The following CTCFL variants were observed in gnomAD, a reference collection of about 807,000 sequenced individuals.
CTCFL encodes the protein CCCTC-binding factor like.
In CTCFL, 36 loss-of-function variants were observed where a neutral mutation model predicts 67.4. The ratio of observed to expected loss-of-function variants is 0.53; its 90% CI spans 0.41 to 0.71. The LOEUF is 0.71. CTCFL is among the 30% of genes least tolerant of loss of function. The probability of loss-of-function intolerance (pLI) is 0.00; values close to 1 mark genes in which losing one functional copy is unlikely to be tolerated. For synonymous variants in CTCFL, 324 were observed against 302.3 expected, an observed-to-expected ratio of 1.07 and a Z score of -0.75; for missense variants, 786 against 835.2, an observed-to-expected ratio of 0.94 and a Z score of 0.73.
chr20:57,518,928 CTT>C (rs1340334328), intron 4 of CTCFL, 37 bp from the exon 5 acceptor site: 1 of 1,576,008 alleles, frequency 6.3e-7, no homozygotes, highest in Non-Finnish European at 8.6e-7. Flanking sequence ...CAAAACAAGA[CTT>C]AACCAGAAAC....
intron 10 of CTCFL, chr20:57,500,110 A>C: frequency 1.5e-6 from 1 of 680,826 alleles, no homozygotes; most frequent in Non-Finnish European, 1.7e-6. Context: ...TTTTTGGTGG[A>C]TGGAGGGAGA....
rs139191085 is a variant in CTCFL at position 57,510,035 on chromosome 20, T to A, written c.1492-1247A>T. The stretch of plus-strand genomic sequence containing the variant: ...TAGTTCATTTGAATAAGTATGAGCC[T>A]GAGGCCTCAGAATATTCTTTGTTCA... On this transcript the variant is annotated intron_variant, in intron 8 of 10. Transcript: ENST00000243914. Among the ~76,000 whole-genome samples the A allele has an allele frequency of 5.7e-4, 87 of 152,380 alleles. No homozygotes were observed. In the East Asian group the frequency reaches 0.016, roughly 28 times the overall value.
At chr20:57,523,632 G>A (rs1206596856) in intron 2 of CTCFL, 31 bp downstream of exon 2, 1 of 1,582,378 alleles carries the variant, frequency 6.3e-7, no homozygotes. Context: ...TCTTTTTCAT[G>A]TAAGGGGTTG....
chr20:57,515,137 T>C (rs772798290), intron 6 of CTCFL: 13 of 178,992 alleles, frequency 7.3e-5, no homozygotes, highest in Non-Finnish European at 1.4e-4. Context: ...CTTTTATTTA[T>C]TTTTATTTAC....
Position 57,518,833 on chromosome 20 carries a change from G to T in CTCFL, c.984C>A (p.Leu328=), listed in dbSNP as rs542500600. Residue 328 remains leucine, a synonymous_variant, in exon 5 of 11, where the codon CTC becomes CTA. Transcript: ENST00000243914. ...TATGTTTATAGCGCCTGTGTCGGAC[G>T]AGTTCTCCACTGGTGACAAATGCCA... ...CNMAFVTSGE[L]VRHRRYKHTH... 59 of 1,614,130 alleles carry T rather than the reference G, an allele frequency of 3.7e-5. No individual in the cohort carries two copies. Among genetic ancestry groups the T allele is most frequent in the Non-Finnish European group, 5.0e-5 (59 of 1,180,032 alleles).
chr20:57,519,905 A>C (rs1229342361), intron 3 of CTCFL, among the ~76,000 whole-genome samples: 2 of 152,194 alleles, frequency 1.3e-5, no homozygotes, highest in African/African-American at 2.4e-5. Flanking sequence ...GACTTAAACT[A>C]ATTAAAATTA....
chr20:57,515,841 A>G lies in CTCFL; in HGVS notation c.1060-7T>C, dbSNP rs762122569. The G allele has an allele frequency of 1.2e-6, 2 of 1,606,306 alleles. No individual in the cohort carries two copies. The highest frequency in any genetic ancestry group is 2.2e-5 in the South Asian group (2 of 89,538). On this transcript the variant is annotated splice_region_variant and splice_polypyrimidine_tract_variant and intron_variant, in intron 5 of 10. Transcript: ENST00000243914. ...GGCGCTTCAATTTACTTGCCTAATA[A>G]ATACATAAATGATGTTCGTTGCAAT...
At position 57,497,751 on chromosome 20, in the gene CTCFL, T is replaced by G; in HGVS notation, c.*799A>C. The G allele has an allele frequency of 1.0e-6, 1 of 983,984 alleles. No individual in the cohort carries two copies. Among genetic ancestry groups the G allele is most frequent in the Non-Finnish European group, 1.2e-6 (1 of 829,464 alleles). 61.0% of individuals were successfully genotyped at this position (983,984 alleles called of 1,614,324 possible). A position where few individuals can be genotyped will look rare whatever the true frequency, so the allele number is the denominator to read the frequency against. On this transcript the variant is annotated 3_prime_UTR_variant, in exon 11 of 11. Transcript: ENST00000243914. ...TTTACAAATATAAAAAGAGTAGTTT[T>G]AGCAGAAAAAAGGGTTATGGAGTGA... is the stretch of plus-strand genomic sequence containing the variant.
rs1266355148 is a variant in CTCFL at position 57,523,674 on chromosome 20, C to T, written c.532G>A (p.Gly178Arg). 6.2e-7 allele frequency: 1 copy of T among 1,613,232 alleles called. No individual in the cohort carries two copies. The highest frequency in any genetic ancestry group is 8.5e-7 in the Non-Finnish European group (1 of 1,179,834). The change falls in exon 2 of 11, where the codon GGA becomes AGA. Residue 178 changes from glycine to arginine, a missense_variant. This residue lies in a region of CTCFL where 333 missense variants were observed against 304.6 expected (regional missense o/e 1.09). Coordinates refer to ENST00000243914, the MANE Select transcript of CTCFL (RefSeq NM_001386993.1). Reference protein sequence around the residue: ...KLAVSLAETTGLIKLEEEQEK... With the variant: ...KLAVSLAETTRLIKLEEEQEK... ...AAAACCAGCTGTACCTTGATCAGTCCAGTAGTTTCAGCCAGGCTCACCGCT... is the reference window on the plus strand; with the variant it reads ...AAAACCAGCTGTACCTTGATCAGTCTAGTAGTTTCAGCCAGGCTCACCGCT...
Position 57,497,767 on chromosome 20 carries a change from T to A in CTCFL, c.*783A>T. ...GAGTAGTTTTAGCAGAAAAAAGGGT[T>A]ATGGAGTGAAATACTAATAAGCAAT... On this transcript the variant is annotated 3_prime_UTR_variant, in exon 11 of 11. Transcript: ENST00000243914. 1 of 984,806 alleles carries A rather than the reference T, an allele frequency of 1.0e-6. No individual in the cohort carries two copies. The highest frequency in any genetic ancestry group is 1.2e-6 in the Non-Finnish European group (1 of 829,358). 61.0% of individuals were successfully genotyped at this position (984,806 alleles called of 1,614,324 possible).
downstream of CTCFL, chr20:57,496,443 A>G (rs2146263949): frequency 2.2e-6 from 1 of 464,934 alleles, no homozygotes; most frequent in South Asian, 4.2e-5. Flanking sequence ...AGAAAGGACT[A>G]ACACAACATA....
intron 4 of CTCFL, 98 bp downstream of exon 4, chr20:57,519,109 T>C (rs1371119122): frequency 7.5e-7 from 1 of 1,334,086 alleles, no homozygotes; most frequent in African/African-American, 1.5e-5. Context: ...AAGTATAAAA[T>C]GTTACACGAT....
chr20:57,505,316 C>A (rs918358776), intron 9 of CTCFL, among the ~76,000 whole-genome samples: 1 of 151,578 alleles, frequency 6.6e-6, no homozygotes, highest in Non-Finnish European at 1.5e-5. Flanking sequence ...AGTGCAGTGG[C>A]ACGATCTCTG....
chr20:57,498,468 G>A lies in CTCFL; in HGVS notation c.*82C>T. On this transcript the variant is annotated 3_prime_UTR_variant, in exon 11 of 11. Coordinates refer to ENST00000243914, the MANE Select transcript of CTCFL (RefSeq NM_001386993.1). Reference sequence around the variant, plus strand: ...CTCTCTCACTTATCCATCGTGTTGAGGAGCATTTCACACCTTAAATGCTAA... The same window carrying A: ...CTCTCTCACTTATCCATCGTGTTGAAGAGCATTTCACACCTTAAATGCTAA... 6.5e-7 allele frequency: 1 copy of A among 1,532,718 alleles called. No individual in the cohort carries two copies. Among genetic ancestry groups the A allele is most frequent in the South Asian group, 1.3e-5 (1 of 76,714 alleles). 94.9% of individuals were successfully genotyped at this position (1,532,718 alleles called of 1,614,324 possible).
chr20:57,522,983 A>C, intron 3 of CTCFL, 85 bp downstream of exon 3: 1 of 1,094,644 alleles, frequency 9.1e-7, no homozygotes, highest in South Asian at 1.5e-5. Flanking sequence ...TCAACCACTT[A>C]AAACTTCAAT....
intron 6 of CTCFL, 52 bp downstream of exon 6, chr20:57,515,662 G>A: frequency 6.2e-7 from 1 of 1,609,798 alleles, no homozygotes; most frequent in South Asian, 1.1e-5. Flanking sequence ...TTTAAAGCTT[G>A]CTTTAAGAGT....
intron 8 of CTCFL, among the ~76,000 whole-genome samples, chr20:57,509,334 G>A (rs2068409862): frequency 7.1e-6 from 1 of 140,910 alleles, no homozygotes; most frequent in Non-Finnish European, 1.5e-5. Flanking sequence ...CACAATCATA[G>A]CTCACTGCAA....
intron 9 of CTCFL, among the ~76,000 whole-genome samples, chr20:57,506,128 C>A (rs1465259207): frequency 6.6e-6 from 1 of 152,182 alleles, no homozygotes; most frequent in Non-Finnish European, 1.5e-5. Flanking sequence ...TTTACTGGAA[C>A]ACAGCCATGT....
rs766234186 is a variant in CTCFL, at chr20:57,523,235, G to C, written c.587C>G (p.Thr196Arg). The change falls in exon 3 of 11, where the codon ACA (threonine) becomes AGA (arginine). Residue 196 changes from threonine to arginine, a missense_variant. By Grantham distance (71) the Thr-to-Arg change is moderately conservative. This residue lies in a region of CTCFL where 333 missense variants were observed against 304.6 expected (regional missense o/e 1.09). Coordinates refer to ENST00000243914, the MANE Select transcript of CTCFL (RefSeq NM_001386993.1). ...QEKNQLLAER[T>R]KEQLFFVETM... Reference sequence around the variant, plus strand: ...TTCCACAAAAAAGAGCTGCTCCTTTGTTCTTTCAGCCAATAACTGGTTCTT... The same window carrying C: ...TTCCACAAAAAAGAGCTGCTCCTTTCTTCTTTCAGCCAATAACTGGTTCTT... The C allele has an allele frequency of 6.2e-7, 1 of 1,613,808 alleles. No individual in the cohort carries two copies.
Sources: allele counts gnomAD v4.1 joint callset (sites outside exome capture counted in the v4.1 genomes callset), GRCh38; gene constraint gnomAD v4.1.1; regional missense constraint gnomAD v4.1.1; transcripts MANE v1.5; gene names NCBI Gene and HGNC (gene_info 2026-07-23, HGNC 2026-07-21).